The following SLIT2 variants were observed in gnomAD, a reference collection of about 807,000 sequenced individuals.
The protein encoded by SLIT2 is slit guidance ligand 2.
SLIT2 carries 41 observed loss-of-function variants against 185.7 expected under a neutral mutation model. The ratio of observed to expected loss-of-function variants is 0.22; its 90% CI spans 0.17 to 0.29. The LOEUF is 0.29. Among genes scored for constraint, SLIT2 ranks in the 10% least tolerant of loss-of-function variants. The pLI is 1.00. For missense variants in SLIT2, 1,571 were observed against 1,909.0 expected (o/e 0.82, Z 3.30); for synonymous variants, 693 against 680.2 (o/e 1.02, Z -0.29).
intron 4 of SLIT2, among the ~76,000 whole-genome samples, chr4:20,409,718 A>G (rs898011700): frequency 6.6e-6 from 1 of 151,878 alleles, no homozygotes; most frequent in Non-Finnish European, 1.5e-5. Flanking sequence ...TTTCTCCACA[A>G]CCTCGCCAGC....
chr4:20,369,381 C>T (rs1334636727), intron 4 of SLIT2, among the ~76,000 whole-genome samples: 1 of 152,054 alleles, frequency 6.6e-6, no homozygotes, highest in Non-Finnish European at 1.5e-5. Context: ...CGGTAAACTA[C>T]AGCATACAAG....
At chr4:20,364,718 A>G (rs1722979626) in intron 4 of SLIT2, among the ~76,000 whole-genome samples, 1 of 152,154 alleles carries the variant, frequency 6.6e-6, no homozygotes, top group Non-Finnish European at 1.5e-5. Flanking sequence ...TGATCTAATT[A>G]CTATAATTAC....
chr4:20,612,547 A>G (rs541720458), intron 34 of SLIT2, among the ~76,000 whole-genome samples: 1 of 152,162 alleles, frequency 6.6e-6, no homozygotes, highest in African/African-American at 2.4e-5. Flanking sequence ...GTAAGACCAC[A>G]GCCTTGAATG....
At chr4:20,427,320 G>T (rs1055399873) in intron 4 of SLIT2, among the ~76,000 whole-genome samples, 5 of 152,080 alleles carry the variant, frequency 3.3e-5, no homozygotes, top group Non-Finnish European at 5.9e-5. Context: ...AAGAGTATGT[G>T]TTTCTGTTAA....
At chr4:20,327,412 AAAAT>A (rs1425613035) in intron 4 of SLIT2, among the ~76,000 whole-genome samples, 3 of 152,088 alleles carry the variant, frequency 2.0e-5, no homozygotes, top group African/African-American at 7.2e-5. Flanking sequence ...GAAAATCCTA[AAAAT>A]AAATAAACAA....
At chr4:20,415,410 C>CAAAAAAA (rs371123614) in intron 4 of SLIT2, among the ~76,000 whole-genome samples, 2 of 65,464 alleles carry the variant, frequency 3.1e-5, no homozygotes, top group Non-Finnish European at 2.7e-5. Context: ...GACTCCGTCT[C>CAAAAAAA]AAAAAAAAAA....
chr4:20,609,583 G>C (rs1729050731), intron 33 of SLIT2, among the ~76,000 whole-genome samples: 1 of 152,198 alleles, frequency 6.6e-6, no homozygotes, highest in Non-Finnish European at 1.5e-5. Flanking sequence ...GAAGCCAGCA[G>C]TTGCCTAAGG....
At chr4:20,586,035 C>T (rs933995526) in intron 29 of SLIT2, among the ~76,000 whole-genome samples, 5 of 152,146 alleles carry the variant, frequency 3.3e-5, no homozygotes, top group African/African-American at 1.2e-4. Flanking sequence ...TTTCCTCTTA[C>T]TGGTTGAGAA....
intron 4 of SLIT2, among the ~76,000 whole-genome samples, chr4:20,292,091 C>A (rs2109084496): frequency 6.6e-6 from 1 of 152,274 alleles, no homozygotes; most frequent in Non-Finnish European, 1.5e-5. Context: ...AGCAGATACA[C>A]TAATTTCAAG....
chr4:20,286,391 T>G (rs567045501), intron 4 of SLIT2, among the ~76,000 whole-genome samples: 7 of 152,292 alleles, frequency 4.6e-5, no homozygotes, highest in African/African-American at 1.7e-4. Flanking sequence ...CCTCCACAGT[T>G]GGTTCATCCG....
intron 9 of SLIT2, among the ~76,000 whole-genome samples, chr4:20,497,262 GA>G (rs35299120): frequency 0.75 from 111,302 of 147,586 alleles, 41,939 homozygotes; most frequent in East Asian, 0.95. Context: ...AAAAACTTGG[GA>G]AAAAAAAAAA....
intron 32 of SLIT2, among the ~76,000 whole-genome samples, chr4:20,598,059 T>C (rs1406029946): frequency 6.6e-6 from 1 of 152,220 alleles, no homozygotes; most frequent in African/African-American, 2.4e-5. Context: ...TATTGTTCTT[T>C]TTAAGTTTCT....
intron 4 of SLIT2, chr4:20,394,901 T>C (rs1725760292): frequency 6.6e-6 from 1 of 152,080 alleles, no homozygotes; most frequent in Non-Finnish European, 1.5e-5. Context: ...TTTCTTTTTC[T>C]TTATTTATCT....
In SLIT2 at chr4:20,617,546, C is replaced by T. The variant is rs1310834988; in HGVS notation, c.4244C>T (p.Pro1415Leu). The change falls in exon 36 of 37, where the codon CCA becomes CTA. Residue 1415 changes from proline to leucine, a missense_variant. Physicochemically the swap from Pro to Leu is moderately conservative, Grantham distance 98. This residue lies in a region of SLIT2 where 223 missense variants were observed against 245.2 expected (regional missense o/e 0.91). Transcript: ENST00000504154. ...GATGAAGAGGAGGATCTGTTTAACC[C>T]ATGCCAGGCGATCAAGTGCAAGCAT... The part of the protein sequence containing the change: ...LCDEEEDLFN[P>L]CQAIKCKHGK... 6.2e-7 allele frequency: 1 copy of T among 1,613,914 alleles called. No individual in the cohort carries two copies. The highest frequency in any genetic ancestry group is 1.1e-5 in the South Asian group (1 of 91,040).
chr4:20,591,299 A>G (rs1313892558), intron 30 of SLIT2, among the ~76,000 whole-genome samples: 4 of 152,196 alleles, frequency 2.6e-5, no homozygotes, highest in Non-Finnish European at 5.9e-5. Context: ...GTACTTACCG[A>G]ACAGATCATC....
At chr4:20,361,457 T>G (rs1183690522) in intron 4 of SLIT2, among the ~76,000 whole-genome samples, 1 of 152,154 alleles carries the variant, frequency 6.6e-6, no homozygotes, top group Non-Finnish European at 1.5e-5. Context: ...CTCTTTAGAT[T>G]GTACACATCA....
At chr4:20,282,226 T>C (rs1379204209) in intron 4 of SLIT2, among the ~76,000 whole-genome samples, 1 of 152,182 alleles carries the variant, frequency 6.6e-6, no homozygotes, top group Non-Finnish European at 1.5e-5. Flanking sequence ...GGTCTCTAAT[T>C]TAAAAAGAGA....
chr4:20,564,437 G>C (rs1031159573), intron 26 of SLIT2, among the ~76,000 whole-genome samples: 1 of 151,894 alleles, frequency 6.6e-6, no homozygotes, highest in Non-Finnish European at 1.5e-5. Context: ...AATAGGAAAA[G>C]AAATTATATC....
intron 3 of SLIT2, among the ~76,000 whole-genome samples, chr4:20,266,406 G>A (rs1426407502): frequency 1.3e-5 from 2 of 151,934 alleles, no homozygotes; most frequent in African/African-American, 4.8e-5. Flanking sequence ...ACTATTGTCT[G>A]GGGCATGTGA....
Sources: gnomAD v4.1 joint callset for allele counts (sites outside exome capture counted in the v4.1 genomes callset) on GRCh38, gnomAD v4.1.1 for gene constraint, gnomAD v4.1.1 regional missense constraint, MANE v1.5 for transcripts, NCBI Gene and HGNC (gene_info 2026-07-23, HGNC 2026-07-21) for gene names.